The following PRKG1 variants were observed in gnomAD, a reference collection of about 807,000 sequenced individuals.
The protein encoded by PRKG1 is cGMP-dependent protein kinase 1.
In PRKG1, 35 loss-of-function variants were observed where a neutral mutation model predicts 88.1. The ratio of observed to expected loss-of-function variants is 0.40; its 90% CI spans 0.30 to 0.53. The LOEUF (loss-of-function observed/expected upper bound fraction) is 0.53. PRKG1 is among the 20% of genes least tolerant of loss of function. The pLI, the probability that PRKG1 is intolerant of heterozygous loss-of-function variation, is 0.59. For missense variants in PRKG1, 540 were observed against 839.8 expected (o/e 0.64, Z 4.41); for synonymous variants, 303 against 292.5 (o/e 1.04, Z -0.37).
intron 9 of PRKG1, among the ~76,000 whole-genome samples, chr10:52,217,502 C>T (rs1461933871): frequency 2.6e-5 from 4 of 152,034 alleles, no homozygotes; most frequent in Non-Finnish European, 4.4e-5. Flanking sequence ...TACCGTCAAA[C>T]AATATTTTCA....
intron 3 of PRKG1, among the ~76,000 whole-genome samples, chr10:51,740,171 A>G (rs919097923): frequency 1.3e-5 from 2 of 152,024 alleles, no homozygotes; most frequent in Non-Finnish European, 2.9e-5. Flanking sequence ...GGGACTACTG[A>G]CACACCACCA....
rs141915428 is a variant in PRKG1, at chr10:51,611,483, T to TAA, written c.592+143647_592+143648insAA. Among the ~76,000 whole-genome samples, 605 of 149,136 alleles carry TAA rather than the reference T, an allele frequency of 4.1e-3. 2 individuals carry two copies. Among genetic ancestry groups the TAA allele is most frequent in the East Asian group, 9.0e-3 (45 of 5,020 alleles). ...TTTTAATAAGATTATTTGCCCTTTTTTAAAAAAAAAACGTTAAATTGTTTC... is the reference window on the plus strand; with the variant it reads ...TTTTAATAAGATTATTTGCCCTTTTTAATAAAAAAAAAACGTTAAATTGTTTC... On this transcript the variant is annotated intron_variant, in intron 3 of 17. Coordinates refer to ENST00000373980, the MANE Select transcript of PRKG1 (RefSeq NM_006258.4).
chr10:51,532,587 TA>T (rs1267393770), intron 3 of PRKG1, among the ~76,000 whole-genome samples: 4 of 152,218 alleles, frequency 2.6e-5, no homozygotes, highest in Admixed American at 6.5e-5. Context: ...AAGCTAGTGC[TA>T]ATTAAGTTTT....
chr10:51,242,855 A>G (rs185473030), intron 2 of PRKG1, among the ~76,000 whole-genome samples: 75 of 152,284 alleles, frequency 4.9e-4, no homozygotes, highest in African/African-American at 1.7e-3. Context: ...ACACTAAGAC[A>G]GGTTGCAGGT....
At chr10:51,295,578 A>T (rs1212807928) in intron 2 of PRKG1, among the ~76,000 whole-genome samples, 1 of 152,030 alleles carries the variant, frequency 6.6e-6, no homozygotes, top group African/African-American at 2.4e-5. Context: ...TCATCTGCAA[A>T]CAGAGATAAG....
intron 2 of PRKG1, among the ~76,000 whole-genome samples, chr10:51,165,072 G>C (rs1846496787): frequency 6.6e-6 from 1 of 152,132 alleles, no homozygotes; most frequent in Non-Finnish European, 1.5e-5. Context: ...TCCTCGAGAA[G>C]AGCAACTCCA....
intron 2 of PRKG1, among the ~76,000 whole-genome samples, chr10:51,222,116 A>T (rs1408714736): frequency 1.6e-5 from 2 of 127,404 alleles, no homozygotes; most frequent in Non-Finnish European, 3.1e-5. Flanking sequence ...GCCTCACGTG[A>T]TCCGCGCCCC....
chr10:51,271,382 A>G (rs540485215), intron 2 of PRKG1, among the ~76,000 whole-genome samples: 2 of 152,180 alleles, frequency 1.3e-5, no homozygotes, highest in Non-Finnish European at 2.9e-5. Flanking sequence ...ATTGTATAAC[A>G]AAATCCAAAG....
intron 3 of PRKG1, among the ~76,000 whole-genome samples, chr10:51,627,383 G>A (rs1273121929): frequency 6.6e-6 from 1 of 152,130 alleles, no homozygotes; most frequent in Non-Finnish European, 1.5e-5. Context: ...GCTTAACAGA[G>A]TACAGACATA....
Position 51,185,683 on chromosome 10 carries a change from C to A in PRKG1, c.478+32353C>A, listed in dbSNP as rs1476485539. 2.6e-5 allele frequency among the ~76,000 whole-genome samples: 4 copies of A among 151,770 alleles called. No individual in the cohort carries two copies. In the East Asian group the frequency reaches 7.7e-4, roughly 29 times the overall value. On this transcript the variant is annotated intron_variant, in intron 2 of 17. Coordinates refer to ENST00000373980, the MANE Select transcript of PRKG1 (RefSeq NM_006258.4). Reference sequence around the variant, plus strand: ...TGATGTTCAAATATATTATGAACATCTAAGTCTTTAAACACTATTTTACAA... The same window carrying A: ...TGATGTTCAAATATATTATGAACATATAAGTCTTTAAACACTATTTTACAA...
chr10:52,002,838 C>T (rs1340226764), intron 5 of PRKG1, among the ~76,000 whole-genome samples: 3 of 152,128 alleles, frequency 2.0e-5, no homozygotes, highest in African/African-American at 7.2e-5. Flanking sequence ...TATATGGTTA[C>T]AGTTGGAGGC....
intron 7 of PRKG1, among the ~76,000 whole-genome samples, chr10:52,069,366 A>T (rs967556496): frequency 1.3e-4 from 20 of 152,098 alleles, no homozygotes; most frequent in Non-Finnish European, 2.6e-4. Flanking sequence ...CACTGTCTCT[A>T]CTAAAAATAC....
At chr10:52,271,264 G>A (rs1490292068) in intron 10 of PRKG1, 86 bp from the exon 11 acceptor site, 1 of 1,380,192 alleles carries the variant, frequency 7.2e-7, no homozygotes, top group Non-Finnish European at 9.9e-7. Context: ...TCATTTAAGT[G>A]CGCCATGTAC....
intron 1 of PRKG1, among the ~76,000 whole-genome samples, chr10:51,040,168 G>A (rs533956645): frequency 6.6e-6 from 1 of 150,550 alleles, no homozygotes; most frequent in East Asian, 2.0e-4. Context: ...GCTTTGAGTA[G>A]TATGGACATT....
chr10:51,924,773 T>G (rs1842536444), intron 5 of PRKG1, among the ~76,000 whole-genome samples: 1 of 151,918 alleles, frequency 6.6e-6, no homozygotes, highest in Non-Finnish European at 1.5e-5. Context: ...GAAGTTTTTA[T>G]TTATATACTT....
chr10:51,506,289 G>A (rs1227528884), intron 3 of PRKG1, among the ~76,000 whole-genome samples: 1 of 152,054 alleles, frequency 6.6e-6, no homozygotes, highest in Non-Finnish European at 1.5e-5. Flanking sequence ...GGCAACAAAA[G>A]CCAAAATTGA....
chr10:51,583,979 T>G (rs952535997), intron 3 of PRKG1, among the ~76,000 whole-genome samples: 2 of 152,106 alleles, frequency 1.3e-5, no homozygotes, highest in Non-Finnish European at 2.9e-5. Context: ...GAGTAAGAAC[T>G]GGAATTCCAC....
intron 1 of PRKG1, among the ~76,000 whole-genome samples, chr10:51,125,763 A>G (rs991716291): frequency 1.4e-5 from 2 of 145,544 alleles, no homozygotes; most frequent in African/African-American, 2.5e-5. Flanking sequence ...TATAAAAATT[A>G]TATATTTTTA....
intron 1 of PRKG1, among the ~76,000 whole-genome samples, chr10:51,008,892 C>T (rs1413173860): frequency 6.6e-6 from 1 of 152,140 alleles, no homozygotes; most frequent in Non-Finnish European, 1.5e-5. Context: ...TCCATCTGCC[C>T]TCCCTCCTTC....
Sources: allele counts gnomAD v4.1 joint callset (sites outside exome capture counted in the v4.1 genomes callset), GRCh38; gene constraint gnomAD v4.1.1; transcripts MANE v1.5; gene names NCBI Gene and HGNC (gene_info 2026-07-23, HGNC 2026-07-21).